PRPF6: variants seen among roughly 807,000 people sequenced by gnomAD.
PRPF6 encodes pre-mRNA-processing factor 6.
In PRPF6, 42 loss-of-function variants were observed where a neutral mutation model predicts 118.3. The ratio of observed to expected loss-of-function variants is 0.35; its 90% CI spans 0.28 to 0.46. The LOEUF (loss-of-function observed/expected upper bound fraction) is 0.46, where lower values mean the gene tolerates loss of function less well. PRPF6 is among the 20% of genes least tolerant of loss of function. The pLI is 1.00. For synonymous variants in PRPF6, 481 were observed against 485.1 expected (o/e 0.99, Z 0.11); for missense variants, 662 against 1,255.7 (o/e 0.53, Z 7.15).
chr20:64,021,926 G>A (rs1261349188), intron 12 of PRPF6, among the ~76,000 whole-genome samples: 2 of 146,162 alleles, frequency 1.4e-5, no homozygotes, highest in African/African-American at 5.2e-5. Context: ...ATATGCCTCA[G>A]CCACAGCCGT....
At chr20:64,024,087 C>T (rs929600885) in intron 13 of PRPF6, among the ~76,000 whole-genome samples, 5 of 152,186 alleles carry the variant, frequency 3.3e-5, no homozygotes, top group Non-Finnish European at 5.9e-5. Flanking sequence ...CTGATGCCCA[C>T]GGCTGGCAGT....
Position 63,999,732 on chromosome 20 carries a change from C to T in PRPF6, c.996C>T (p.Ile332=). Residue 332 remains isoleucine (I), a synonymous_variant, in exon 8 of 21, where the codon ATC becomes ATT. Coordinates refer to ENST00000266079, the MANE Select transcript of PRPF6 (RefSeq NM_012469.4). ...TGKLQVARNL[I]MKGTEMCPKS... is the part of the protein sequence containing the mutation. Reference sequence around the variant, plus strand: ...AGCTACAAGTAGCTCGGAACCTTATCATGAAGGGGACGGAGATGTGCCCCA... The same window carrying T: ...AGCTACAAGTAGCTCGGAACCTTATTATGAAGGGGACGGAGATGTGCCCCA... 1.9e-6 allele frequency: 3 copies of T among 1,614,204 alleles called. No individual in the cohort carries two copies. Among genetic ancestry groups the T allele is most frequent in the African/African-American group, 1.3e-5 (1 of 75,058 alleles).
At chr20:64,015,671 A>G (rs1246573604) in intron 11 of PRPF6, among the ~76,000 whole-genome samples, 4 of 152,184 alleles carry the variant, frequency 2.6e-5, no homozygotes, top group Admixed American at 6.5e-5. Flanking sequence ...TGCCTGTTTT[A>G]TTTTGATAGA....
chr20:64,001,054 T>C (rs2059164336), intron 8 of PRPF6, 23 bp from the exon 9 acceptor site: 1 of 1,613,170 alleles, frequency 6.2e-7, no homozygotes. Context: ...TGAGCCTTAT[T>C]GGTCTTATCT....
intron 12 of PRPF6, among the ~76,000 whole-genome samples, chr20:64,017,619 A>C (rs816920): frequency 2.1e-5 from 2 of 96,640 alleles, no homozygotes; most frequent in South Asian, 3.4e-4. Context: ...GATCACAGGC[A>C]TGAGCCGCCG....
Position 63,995,342 on chromosome 20 carries a change from A to T in PRPF6, c.631A>T (p.Asn211Tyr). Residue 211 changes from asparagine (N) to tyrosine (Y), a missense_variant, in exon 6 of 21, where the codon AAC (asparagine) becomes TAC (tyrosine). Physicochemically the swap from Asn to Tyr is moderately radical, Grantham distance 143. Coordinates refer to ENST00000266079, the MANE Select transcript of PRPF6 (RefSeq NM_012469.4). ...DPRQTQFGGLNTPYPGGLNTP... is the reference protein window; with the variant it reads ...DPRQTQFGGLYTPYPGGLNTP... ...TCCCCTCCAGCAATTTGGAGGTCTT[A>T]ACACACCCTATCCAGGTGGACTAAA... 6.2e-7 allele frequency: 1 copy of T among 1,612,884 alleles called. No individual in the cohort carries two copies. The highest frequency in any genetic ancestry group is 8.5e-7 in the Non-Finnish European group (1 of 1,179,460).
At chr20:64,010,405 G>A in intron 10 of PRPF6, 87 bp downstream of exon 10, 1 of 1,112,738 alleles carries the variant, frequency 9.0e-7, no homozygotes, top group Non-Finnish European at 1.4e-6. Flanking sequence ...TGATACAAGT[G>A]GAGCATTGAG....
chr20:63,981,775 G>A (rs1371955853), intron 1 of PRPF6, among the ~76,000 whole-genome samples: 1 of 151,398 alleles, frequency 6.6e-6, no homozygotes, highest in Non-Finnish European at 1.5e-5. Flanking sequence ...TTCATTTGAT[G>A]AGGAACACTA....
At chr20:64,021,463 T>A (rs1330743367) in intron 12 of PRPF6, among the ~76,000 whole-genome samples, 7 of 137,452 alleles carry the variant, frequency 5.1e-5, no homozygotes, top group Non-Finnish European at 1.5e-5. Flanking sequence ...CCCGTGCATG[T>A]GTGTGCATGT....
At chr20:64,014,910 G>A (rs868317750) in intron 11 of PRPF6, among the ~76,000 whole-genome samples, 6 of 152,130 alleles carry the variant, frequency 3.9e-5, no homozygotes, top group African/African-American at 1.2e-4. Flanking sequence ...CTTTTGCATC[G>A]TCCGACACCG....
rs373009397 is a variant in PRPF6 at position 64,026,556 on chromosome 20, C to T, written c.2029-426C>T. On this transcript the variant is annotated intron_variant, in intron 15 of 20. Transcript: ENST00000266079. This position sits in a 1 kb window ranked among gnomAD's most constrained non-coding sequence, Gnocchi z 4.4. Reference sequence around the variant, plus strand: ...TCATACGGCCGGGTGTGGTGGCTCACGCCTGTAATCCCAGCACTTTGGGAG... The same window carrying T: ...TCATACGGCCGGGTGTGGTGGCTCATGCCTGTAATCCCAGCACTTTGGGAG... Among the ~76,000 whole-genome samples, 68 of 151,710 alleles carry T rather than the reference C, an allele frequency of 4.5e-4. No individual in the cohort carries two copies. Among genetic ancestry groups the T allele is most frequent in the African/African-American group, 1.6e-3 (66 of 41,324 alleles).
At chr20:63,993,262 GTA>G (rs757526464) in intron 3 of PRPF6, 143 bp from the exon 4 acceptor site, 6,419 of 263,716 alleles carry the variant, frequency 0.024, 153 homozygotes, top group African/African-American at 0.1. Context: ...GTGTGTGTGT[GTA>G]TATGTATATA....
intron 12 of PRPF6, 56 bp from the exon 13 acceptor site, chr20:64,022,701 C>T (rs1322596246): frequency 6.2e-7 from 1 of 1,612,370 alleles, no homozygotes; most frequent in Non-Finnish European, 8.5e-7. Flanking sequence ...GGCATCATGC[C>T]ACTTGTTCTG....
Position 64,027,210 on chromosome 20 carries a change from CTG to C in PRPF6, c.2205+53_2205+54del, listed in dbSNP as rs537822314. 1.0e-3 allele frequency: 1,607 copies of C among 1,602,398 alleles called. 8 individuals are homozygous for C. In the African/African-American group the frequency reaches 0.016, roughly 16 times the overall value. ...TGCAGCTGACCCGGCATTCACAAAA[CTG>C]AGCCCCCTGGTGCAGGGTCATTGCC... On this transcript the variant is annotated intron_variant, in intron 16 of 20. Transcript: ENST00000266079. The surrounding 1 kb of genome is among the most constrained non-coding windows in gnomAD (Gnocchi z 6.5).
intron 9 of PRPF6, 118 bp from the exon 10 acceptor site, chr20:64,010,082 G>A (rs2059209181): frequency 1.2e-6 from 1 of 863,136 alleles, no homozygotes; most frequent in Admixed American, 1.7e-5. Flanking sequence ...CAGGTGTGTG[G>A]TCCCTGACTG....
intron 6 of PRPF6, 32 bp downstream of exon 6, chr20:63,995,514 C>G: frequency 1.2e-6 from 2 of 1,613,234 alleles, no homozygotes; most frequent in Non-Finnish European, 1.7e-6. Context: ...TTCCTGTGGA[C>G]AGGTTTAGAC....
intron 3 of PRPF6, among the ~76,000 whole-genome samples, chr20:63,992,418 C>T (rs1480358956): frequency 6.6e-6 from 1 of 152,118 alleles, no homozygotes; most frequent in Non-Finnish European, 1.5e-5. Flanking sequence ...TGCGCCACCA[C>T]GCCTGGCTAA....
chr20:64,000,470 A>C (rs1216190730), intron 8 of PRPF6, among the ~76,000 whole-genome samples: 2 of 151,508 alleles, frequency 1.3e-5, no homozygotes, highest in Non-Finnish European at 2.9e-5. Context: ...AAAAAAAAAA[A>C]AAACAACAAA....
chr20:64,008,608 G>A (rs937083430), intron 9 of PRPF6, among the ~76,000 whole-genome samples: 2 of 147,744 alleles, frequency 1.4e-5, no homozygotes, highest in South Asian at 4.4e-4. Context: ...TGTGCAAAAC[G>A]GTGACATTAT....
Sources: gnomAD v4.1 joint callset for allele counts (sites outside exome capture counted in the v4.1 genomes callset) on GRCh38, gnomAD v4.1.1 for gene constraint, Gnocchi (gnomAD v3.1) non-coding constraint, MANE v1.5 for transcripts, NCBI Gene and HGNC (gene_info 2026-07-23, HGNC 2026-07-21) for gene names.